Variants in NAV3 observed in about 807,000 individuals in gnomAD.
The protein encoded by NAV3 is pore membrane and/or filament interacting like protein 1.
Under a neutral mutation model 244.7 loss-of-function variants are expected in NAV3, and 87 were observed. That is an observed-to-expected ratio of 0.36 (90% CI 0.30 to 0.42). The LOEUF (loss-of-function observed/expected upper bound fraction) is 0.42, where lower values mean the gene tolerates loss of function less well. Among genes scored for constraint, NAV3 ranks in the 20% least tolerant of loss-of-function variants. NAV3 has a pLI of 1.00. For synonymous variants in NAV3, 1,126 were observed against 1,042.2 expected, an observed-to-expected ratio of 1.08 and a Z score of -1.55; for missense variants, 2,663 against 2,893.3, an observed-to-expected ratio of 0.92 and a Z score of 1.83.
At chr12:78,044,194 T>C (rs1881363540) in intron 9 of NAV3, among the ~76,000 whole-genome samples, 1 of 152,194 alleles carries the variant, frequency 6.6e-6, no homozygotes, top group African/African-American at 2.4e-5. Context: ...GGGAATCCTT[T>C]CCCCATTGCT....
chr12:77,901,716 AAAAAG>A (rs994711066), intron 1 of NAV3, among the ~76,000 whole-genome samples: 4 of 152,166 alleles, frequency 2.6e-5, no homozygotes, highest in Admixed American at 2.0e-4. Context: ...AAAAAAAGAA[AAAAAG>A]AAAAGAAAGG....
intron 2 of NAV3, among the ~76,000 whole-genome samples, chr12:77,813,279 AT>A (rs1298894955): frequency 6.6e-6 from 1 of 152,030 alleles, no homozygotes; most frequent in Non-Finnish European, 1.5e-5. Flanking sequence ...TTGTACACTC[AT>A]TTTACTTTGG....
chr12:77,625,782 A>G (rs945887194), intron 2 of NAV3, among the ~76,000 whole-genome samples: 4 of 152,198 alleles, frequency 2.6e-5, no homozygotes, highest in East Asian at 1.9e-4. Flanking sequence ...CTATAGATAA[A>G]TCTGTAGGAA....
At chr12:77,637,751 T>A (rs1005830192) in intron 2 of NAV3, among the ~76,000 whole-genome samples, 1 of 152,210 alleles carries the variant, frequency 6.6e-6, no homozygotes, top group South Asian at 2.1e-4. Context: ...ATTTAATAGT[T>A]CAGTCAGTAT....
chr12:77,866,853 A>G (rs544351221), intron 1 of NAV3, among the ~76,000 whole-genome samples: 2 of 152,218 alleles, frequency 1.3e-5, no homozygotes, highest in Non-Finnish European at 2.9e-5. Flanking sequence ...TAATGAAAAT[A>G]AATTTTTGAA....
At chr12:77,967,265 A>G (rs1050598419) in intron 4 of NAV3, among the ~76,000 whole-genome samples, 47 of 152,148 alleles carry the variant, frequency 3.1e-4, no homozygotes, top group Non-Finnish European at 4.4e-4. Flanking sequence ...CTCAAAATTT[A>G]CTCTCTAAAT....
chr12:77,684,132 A>G (rs1193611149), intron 2 of NAV3, among the ~76,000 whole-genome samples: 1 of 152,162 alleles, frequency 6.6e-6, no homozygotes, highest in Non-Finnish European at 1.5e-5. Flanking sequence ...AGCCATTCTA[A>G]TGAGTGTGAA....
chr12:78,030,665 A>G (rs1878824347), intron 9 of NAV3, among the ~76,000 whole-genome samples: 1 of 152,170 alleles, frequency 6.6e-6, no homozygotes, highest in African/African-American at 2.4e-5. Flanking sequence ...ATTTGGGAAA[A>G]CAAATGTGAC....
intron 2 of NAV3, among the ~76,000 whole-genome samples, chr12:77,770,341 G>A (rs1341460949): frequency 1.3e-5 from 2 of 152,112 alleles, no homozygotes; most frequent in African/African-American, 2.4e-5. Context: ...ATGAACAGAC[G>A]GCTGAGTTAG....
intron 2 of NAV3, among the ~76,000 whole-genome samples, chr12:77,793,730 G>T (rs1016215881): frequency 1.3e-5 from 2 of 152,158 alleles, no homozygotes; most frequent in East Asian, 3.9e-4. Context: ...TCATTGTTGG[G>T]CATTTGGGTT....
intron 1 of NAV3, among the ~76,000 whole-genome samples, chr12:77,937,369 C>G (rs1208141913): frequency 6.6e-6 from 1 of 152,256 alleles, no homozygotes; most frequent in East Asian, 1.9e-4. Flanking sequence ...AACTAGCTGG[C>G]CTCCCATTTG....
At chr12:78,125,063 A>T (rs2694669) in intron 16 of NAV3, among the ~76,000 whole-genome samples, 3 of 152,002 alleles carry the variant, frequency 2.0e-5, no homozygotes, top group South Asian at 2.1e-4. Context: ...AATCCTTTCA[A>T]GTACATTTAA....
intron 1 of NAV3, among the ~76,000 whole-genome samples, chr12:77,894,779 G>A (rs776257672): frequency 1.6e-4 from 24 of 152,106 alleles, no homozygotes; most frequent in Non-Finnish European, 2.4e-4. Flanking sequence ...GAAAGCTCCC[G>A]CTCATTGCTG....
At chr12:77,767,930 CA>C (rs1869863828) in intron 2 of NAV3, among the ~76,000 whole-genome samples, 1 of 152,216 alleles carries the variant, frequency 6.6e-6, no homozygotes, top group African/African-American at 2.4e-5. Context: ...GTCCCACATC[CA>C]GGAAGAACAA....
chr12:77,617,052 T>C (rs77804772), intron 2 of NAV3, among the ~76,000 whole-genome samples: 6,197 of 152,276 alleles, frequency 0.041, 249 homozygotes, highest in African/African-American at 0.1. Context: ...AGCACATCTT[T>C]TGTGACTTTC....
intron 2 of NAV3, among the ~76,000 whole-genome samples, chr12:77,766,738 T>TGTTTTTTTTTG (rs71088336): frequency 5.1e-5 from 1 of 19,608 alleles, no homozygotes; most frequent in Non-Finnish European, 9.8e-5. Context: ...CAATTAAGTT[T>TGTTTTTTTTTG]TTTTTTTTTT....
chr12:78,103,249 A>T (rs1309353341), intron 12 of NAV3, among the ~76,000 whole-genome samples: 1 of 152,236 alleles, frequency 6.6e-6, no homozygotes, highest in Non-Finnish European at 1.5e-5. Context: ...AGTTCCACAA[A>T]TCTCTAGGGC....
intron 12 of NAV3, among the ~76,000 whole-genome samples, chr12:78,108,228 AATG>A (rs1317797807): frequency 1.3e-5 from 2 of 152,180 alleles, no homozygotes; most frequent in Non-Finnish European, 2.9e-5. Context: ...GTTATTATAT[AATG>A]ATGAGATTAA....
chr12:78,013,798 T>G (rs1313505495), intron 8 of NAV3, among the ~76,000 whole-genome samples: 3 of 152,070 alleles, frequency 2.0e-5, no homozygotes, highest in Non-Finnish European at 4.4e-5. Flanking sequence ...CTGAATTTCT[T>G]AGGTTTGTTA....
Sources: gnomAD v4.1 joint callset for allele counts (sites outside exome capture counted in the v4.1 genomes callset) on GRCh38, gnomAD v4.1.1 for gene constraint, MANE v1.5 for transcripts, NCBI Gene and HGNC (gene_info 2026-07-23, HGNC 2026-07-21) for gene names.